Variants in CEP350 observed in about 807,000 individuals in gnomAD.
CEP350 encodes centrosomal protein 350.
In CEP350, 126 loss-of-function variants were observed where a neutral mutation model predicts 331.8. The ratio of observed to expected loss-of-function variants is 0.38; its 90% CI spans 0.33 to 0.44. CEP350 has a LOEUF of 0.44. CEP350 is among the 20% of genes least tolerant of loss of function. CEP350 has a pLI of 1.00. For synonymous variants in CEP350, 1,200 were observed against 1,259.5 expected, an observed-to-expected ratio of 0.95 and a Z score of 1.00; for missense variants, 3,406 against 3,634.6, an observed-to-expected ratio of 0.94 and a Z score of 1.62.
chr1:180,041,860 T>G (rs1656781823), intron 19 of CEP350, 58 bp downstream of exon 19: 1 of 1,490,384 alleles, frequency 6.7e-7, no homozygotes, highest in Non-Finnish European at 9.2e-7. Context: ...CTGAGTAACT[T>G]TGATCTTCAG....
chr1:179,956,389 A>G (rs1650171627), intron 1 of CEP350, among the ~76,000 whole-genome samples: 1 of 152,202 alleles, frequency 6.6e-6, no homozygotes, highest in Non-Finnish European at 1.5e-5. Flanking sequence ...AATTTTGTGT[A>G]TGTAGAGATG....
At chr1:180,064,995 A>G (rs1255041353) in intron 26 of CEP350, 120 bp from the exon 27 acceptor site, 2 of 1,078,440 alleles carry the variant, frequency 1.9e-6, no homozygotes, top group East Asian at 6.0e-5. Context: ...TTATTATCTT[A>G]TTTTCAACTA....
intron 17 of CEP350, 88 bp from the exon 18 acceptor site, chr1:180,041,050 T>G: frequency 1.1e-6 from 1 of 947,216 alleles, no homozygotes; most frequent in Non-Finnish European, 1.6e-6. Context: ...AAATGATTTG[T>G]ATTAGTAAGA....
chr1:179,984,121 G>A (rs1652480800), intron 1 of CEP350, among the ~76,000 whole-genome samples: 1 of 152,116 alleles, frequency 6.6e-6, no homozygotes, highest in Non-Finnish European at 1.5e-5. Flanking sequence ...ACTGTTCTAG[G>A]TAACCAAATA....
chr1:180,066,481 G>GT (rs1462725013), intron 27 of CEP350, among the ~76,000 whole-genome samples: 1 of 152,126 alleles, frequency 6.6e-6, no homozygotes, highest in East Asian at 1.9e-4. Flanking sequence ...GATTTAGTTT[G>GT]TTTTGCAACA....
At position 179,955,052 on chromosome 1, in the gene CEP350, C is replaced by T; in HGVS notation, c.-104C>T. On this transcript the variant is annotated 5_prime_UTR_variant, in exon 1 of 38. Coordinates refer to ENST00000367607, the MANE Select transcript of CEP350 (RefSeq NM_014810.5). ...GGAGCGGGGAGGCCAGGCCGGGCAGCCCTGGGGCCGGTCGGGGCGGCGTCA... is the reference window on the plus strand; with the variant it reads ...GGAGCGGGGAGGCCAGGCCGGGCAGTCCTGGGGCCGGTCGGGGCGGCGTCA... 3 of 1,401,660 alleles carry T rather than the reference C, an allele frequency of 2.1e-6. No homozygotes were observed. Among genetic ancestry groups the T allele is most frequent in the Non-Finnish European group, 2.8e-6 (3 of 1,078,510 alleles). 86.8% of individuals were successfully genotyped at this position (1,401,660 alleles called of 1,614,324 possible).
At chr1:180,076,210 C>T (rs541699565) in intron 28 of CEP350, among the ~76,000 whole-genome samples, 6 of 151,894 alleles carry the variant, frequency 4.0e-5, no homozygotes, top group African/African-American at 1.4e-4. Context: ...TAGTTCTTTA[C>T]TTTTCCATAG....
At chr1:179,972,483 C>G (rs777007728) in intron 1 of CEP350, among the ~76,000 whole-genome samples, 17 of 151,834 alleles carry the variant, frequency 1.1e-4, no homozygotes, top group Admixed American at 9.2e-4. Flanking sequence ...GTATAGAAGT[C>G]AAGGGAAAAG....
intron 33 of CEP350, among the ~76,000 whole-genome samples, chr1:180,091,112 A>G (rs1041345473): frequency 1.2e-4 from 18 of 151,700 alleles, no homozygotes; most frequent in African/African-American, 3.4e-4. Flanking sequence ...GGCTCAAGCA[A>G]TCCTCCCATC....
Position 180,080,651 on chromosome 1 carries a change from G to A in CEP350, c.6114G>A (p.Met2038Ile). The A allele has an allele frequency of 1.2e-6, 2 of 1,613,442 alleles. No homozygotes were observed. The highest frequency in any genetic ancestry group is 1.7e-6 in the Non-Finnish European group (2 of 1,179,586). The stretch of plus-strand genomic sequence containing the variant: ...GTTGGTCAGATGAGTCATTATCTAT[G>A]ACACAGTCAGGTAAGACTAATCATG... ...CYSWSDESLS[M>I]TQSETTSDQS... Residue 2038 changes from methionine (M) to isoleucine (I), a missense_variant, in exon 30 of 38, where the codon ATG becomes ATA. Transcript: ENST00000367607.
At position 180,111,424 on chromosome 1, in the gene CEP350, A is replaced by T; in HGVS notation, c.*263A>T. 1 of 292,298 alleles carries T rather than the reference A, an allele frequency of 3.4e-6. No homozygotes were observed. Among genetic ancestry groups the T allele is most frequent in the Non-Finnish European group, 6.3e-6 (1 of 157,830 alleles). The allele number at this position is 292,298 out of a possible 1,614,324, so 18.1% of individuals were successfully genotyped here. A position where few individuals can be genotyped will look rare whatever the true frequency, so the allele number is the denominator to read the frequency against. On this transcript the variant is annotated 3_prime_UTR_variant, in exon 38 of 38. Transcript: ENST00000367607. ...TCCTACACCTTTTGCTAACACCCCT[A>T]CTAGGTCCCAGAGGGCCAGAAACAC...
Position 180,111,785 on chromosome 1 carries a change from G to A in CEP350, c.*624G>A, listed in dbSNP as rs1430944864. 1.3e-5 allele frequency: 2 copies of A among 152,542 alleles called. No homozygotes were observed. Among genetic ancestry groups the A allele is most frequent in the African/African-American group, 4.8e-5 (2 of 41,444 alleles). The allele number at this position is 152,542 out of a possible 1,614,324, so 9.4% of individuals were successfully genotyped here. A position where few individuals can be genotyped will look rare whatever the true frequency, so the allele number is the denominator to read the frequency against. ...CCTTGCTTTCTGAGCACCATCTAAA[G>A]AATTTTAAACCTCTGCATTATGTTT... On this transcript the variant is annotated 3_prime_UTR_variant, in exon 38 of 38. Coordinates refer to ENST00000367607, the MANE Select transcript of CEP350 (RefSeq NM_014810.5).
At chr1:180,096,274 T>C in intron 36 of CEP350, 90 bp downstream of exon 36, 2 of 1,398,550 alleles carry the variant, frequency 1.4e-6, no homozygotes. Context: ...TGCTCTTCTG[T>C]ATGATTAACC....
chr1:179,957,294 GTTAA>G (rs1359700138), intron 1 of CEP350, among the ~76,000 whole-genome samples: 1 of 152,076 alleles, frequency 6.6e-6, no homozygotes, highest in Non-Finnish European at 1.5e-5. Context: ...GATTTAAAAA[GTTAA>G]TTCTCTGCAT....
chr1:179,992,494 CG>C (rs1433973160), intron 5 of CEP350, among the ~76,000 whole-genome samples: 5 of 152,080 alleles, frequency 3.3e-5, no homozygotes, highest in Non-Finnish European at 5.9e-5. Flanking sequence ...GTAATAAATA[CG>C]TTTCCTAGAA....
intron 14 of CEP350, among the ~76,000 whole-genome samples, chr1:180,027,282 C>A (rs1460426622): frequency 6.6e-6 from 1 of 152,140 alleles, no homozygotes; most frequent in East Asian, 1.9e-4. Flanking sequence ...GTATGGGTAT[C>A]TTTTTCTGTC....
At position 180,095,611 on chromosome 1, in the gene CEP350, TAGG is replaced by T. The variant is rs777512703; in HGVS notation, c.8603_8605del (p.Gly2868del). ...CTCAGCCGGGAGTTCCTGAGCGCGT[TAGG>T]AGATGATCAAGACTGGTTTGATGAA... On this transcript the variant is annotated inframe_deletion, in exon 35 of 38. Transcript: ENST00000367607. The T allele has an allele frequency of 3.0e-5, 49 of 1,613,760 alleles. No homozygotes were observed. The African/African-American group carries it at 6.1e-4, about 20-fold the overall frequency.
intron 1 of CEP350, among the ~76,000 whole-genome samples, chr1:179,974,588 T>C (rs1305771446): frequency 6.6e-6 from 1 of 152,230 alleles, no homozygotes; most frequent in East Asian, 1.9e-4. Flanking sequence ...TATGTGTGTC[T>C]CTCCTCTACT....
chr1:179,957,988 G>A (rs566208918), intron 1 of CEP350, among the ~76,000 whole-genome samples: 68 of 152,270 alleles, frequency 4.5e-4, no homozygotes, highest in African/African-American at 1.6e-3. Context: ...GAAAACAGAA[G>A]GTTGTATAGG....
Sources: allele counts gnomAD v4.1 joint callset (sites outside exome capture counted in the v4.1 genomes callset), GRCh38; gene constraint gnomAD v4.1.1; transcripts MANE v1.5; gene names NCBI Gene and HGNC (gene_info 2026-07-23, HGNC 2026-07-21).